Variants in CFAP46 observed in about 807,000 individuals in gnomAD.
CFAP46 encodes cilia- and flagella-associated protein 46.
Under a neutral mutation model 325.7 loss-of-function variants are expected in CFAP46, and 245 were observed. The observed-to-expected ratio is 0.75, with a 90% CI of 0.68 to 0.84. CFAP46 has a LOEUF of 0.84. CFAP46 is among the 40% of genes least tolerant of loss of function. CFAP46 has a pLI of 0.00. For missense variants in CFAP46, 3,346 were observed against 3,543.0 expected (o/e 0.94, Z 1.41); for synonymous variants, 1,523 against 1,495.9 (o/e 1.02, Z -0.42).
At position 132,912,938 on chromosome 10, in the gene CFAP46, C is replaced by T. The variant is rs1849576688; in HGVS notation, c.2333+108G>A. The T allele has an allele frequency of 3.4e-6, 5 of 1,486,444 alleles. No homozygotes were observed. The Admixed American group carries it at 8.0e-5, about 24-fold the overall frequency. 92.1% of individuals were successfully genotyped at this position (1,486,444 alleles called of 1,614,324 possible). ...AGATGCACGGGTGCCCACGACCCTC[C>T]TCTGCTGGGACACAGAGGGCCATGG... On this transcript the variant is annotated intron_variant, in intron 18 of 57. Transcript: ENST00000368586.
rs929564110 is a variant in CFAP46 at position 132,884,206 on chromosome 10, G to A, written c.3627+897C>T. Among the ~76,000 whole-genome samples the A allele has an allele frequency of 1.3e-5, 2 of 152,258 alleles. No homozygotes were observed. Among genetic ancestry groups the A allele is most frequent in the East Asian group, 1.9e-4 (1 of 5,160 alleles). The stretch of plus-strand genomic sequence containing the variant: ...CGCGAACCCTAGCAGGGCAACTGCC[G>A]AGGAACGACGTGGCCTCTGGTTCCC... On this transcript the variant is annotated intron_variant, in intron 27 of 57. Transcript: ENST00000368586. This position sits in a 1 kb window ranked among gnomAD's most constrained non-coding sequence, Gnocchi z 5.4.
At chr10:132,898,531 G>A (rs1474812375) in intron 24 of CFAP46, 2 of 321,784 alleles carry the variant, frequency 6.2e-6, no homozygotes, top group African/African-American at 2.2e-5. Context: ...ACCCCACTCT[G>A]CCTTAAGCCG....
intron 50 of CFAP46, among the ~76,000 whole-genome samples, chr10:132,825,059 CTGA>C (rs1848016135): frequency 1.6e-5 from 2 of 126,496 alleles, no homozygotes; most frequent in Non-Finnish European, 3.2e-5. Flanking sequence ...TGTGTGTGCG[CTGA>C]TGTGTGCTGT....
chr10:132,886,056 T>TGAGCC lies in CFAP46; in HGVS notation c.3305-98_3305-97insGGCTC, dbSNP rs1849126486. On this transcript the variant is annotated intron_variant, in intron 25 of 57. Transcript: ENST00000368586. The surrounding 1 kb of genome is among the most constrained non-coding windows in gnomAD (Gnocchi z 5.8). ...ACTAAGCTGCCCATCACAGTGCCCC[T>TGAGCC]GAGGTGGAACCGCGGCTACAGAGGT... The TGAGCC allele has an allele frequency of 2.0e-6, 3 of 1,464,236 alleles. No homozygotes were observed. Among genetic ancestry groups the TGAGCC allele is most frequent in the Non-Finnish European group, 2.8e-6 (3 of 1,086,384 alleles). The allele number at this position is 1,464,236 out of a possible 1,614,324, so 90.7% of individuals were successfully genotyped here.
intron 50 of CFAP46, among the ~76,000 whole-genome samples, chr10:132,824,091 GTGTGTGCGGTGATGTGTGC>G (rs1369683106): frequency 3.6e-5 from 5 of 139,480 alleles, no homozygotes; most frequent in Non-Finnish European, 6.2e-5. Context: ...ACTGTGTGCT[GTGTGTGCGGTGATGTGTGC>G]TGTGTGCGCT....
Position 132,920,175 on chromosome 10 carries a change from G to A in CFAP46, c.1614C>T (p.Thr538=), listed in dbSNP as rs773912130. 4.7e-5 allele frequency: 73 copies of A among 1,537,438 alleles called. No homozygotes were observed. The highest frequency in any genetic ancestry group is 3.5e-4 in the African/African-American group (25 of 72,234). Residue 538 remains threonine, a synonymous_variant, in exon 14 of 58, where the codon ACC becomes ACT. Transcript: ENST00000368586. ...LDSENEAKVS[T]GKNRGRFTYL... ...AGGTGAACCGGCCCCTGTTCTTCCC[G>A]GTGGAGACTGAGGGCGGAAATGCAA...
chr10:132,926,497 A>G, intron 10 of CFAP46, 71 bp downstream of exon 10: 1 of 1,137,140 alleles, frequency 8.8e-7, no homozygotes, highest in Non-Finnish European at 1.3e-6. Flanking sequence ...CCTGGGACAC[A>G]CTCAACTTGC....
Position 132,850,416 on chromosome 10 carries a change from T to A in CFAP46, c.5780A>T (p.Lys1927Met). 4.4e-6 allele frequency: 7 copies of A among 1,573,788 alleles called. No homozygotes were observed. The highest frequency in any genetic ancestry group is 2.3e-5 in the East Asian group (1 of 43,014). ...CAGTGCCCCGTGTGCTAGAGTCCGC[T>A]TCAGCGTGAACCATTGCTTCGAAAA... is the stretch of plus-strand genomic sequence containing the variant. Reference protein sequence around the residue: ...TSVGLQWFTLKRTLAHGALAQ... With the variant: ...TSVGLQWFTLMRTLAHGALAQ... Residue 1927 changes from lysine to methionine, a missense_variant, in exon 41 of 58, where the codon AAG becomes ATG. Coordinates refer to ENST00000368586, the MANE Select transcript of CFAP46 (RefSeq NM_001200049.3).
Position 132,849,472 on chromosome 10 carries a change from G to A in CFAP46, c.5952+772C>T, listed in dbSNP as rs141490954. 6.2e-3 allele frequency among the ~76,000 whole-genome samples: 939 copies of A among 152,302 alleles called. 16 individuals are homozygous for A. The highest frequency in any genetic ancestry group is 0.021 in the African/African-American group (888 of 41,558). On this transcript the variant is annotated intron_variant, in intron 41 of 57. Coordinates refer to ENST00000368586, the MANE Select transcript of CFAP46 (RefSeq NM_001200049.3). ...TCCTTAGGAGCTGGTGTGTGGGGAC[G>A]AGCCCAGCTTCTCTGCTGGGGCAGG... is the stretch of plus-strand genomic sequence containing the variant.
intron 32 of CFAP46, among the ~76,000 whole-genome samples, chr10:132,870,205 CCCG>C (rs1421491931): frequency 6.6e-6 from 1 of 152,116 alleles, no homozygotes; most frequent in Non-Finnish European, 1.5e-5. Flanking sequence ...CGATAAATGT[CCCG>C]TGGGCTCTGA....
chr10:132,850,107 AC>A (rs375153428), intron 41 of CFAP46, 136 bp downstream of exon 41: 10,587 of 872,596 alleles, frequency 0.012, 150 homozygotes, highest in Middle Eastern at 0.048. Flanking sequence ...TTCTTCCCTC[AC>A]GCCTACTTCC....
chr10:132,899,742 G>A, intron 22 of CFAP46, 76 bp from the exon 23 acceptor site: 8 of 1,467,038 alleles, frequency 5.5e-6, no homozygotes, highest in Non-Finnish European at 7.3e-6. Flanking sequence ...TCACTGTCTT[G>A]AACTGTGGAC....
At chr10:132,907,290 T>C (rs1849470585) in intron 22 of CFAP46, among the ~76,000 whole-genome samples, 1 of 152,242 alleles carries the variant, frequency 6.6e-6, no homozygotes, top group Non-Finnish European at 1.5e-5. Context: ...CAGAAACATT[T>C]ACAATAGCAA....
chr10:132,937,983 G>T (rs1242307473), intron 5 of CFAP46, among the ~76,000 whole-genome samples: 1 of 152,220 alleles, frequency 6.6e-6, no homozygotes, highest in East Asian at 1.9e-4. Context: ...GGTGCCGAGG[G>T]GAGCTGCTCT....
At position 132,938,611 on chromosome 10, in the gene CFAP46, C is replaced by A; in HGVS notation, c.514G>T (p.Glu172Ter). 1.2e-6 allele frequency: 2 copies of A among 1,613,392 alleles called. No individual in the cohort carries two copies. Among genetic ancestry groups the A allele is most frequent in the Non-Finnish European group, 1.7e-6 (2 of 1,179,952 alleles). ...CACAGCATCAGCTCAGCACGCCACT[C>A]CTTGTCTTCCTCCTCAGTCTGACTC... ...VLSQTEEEDK[E>*]WRAELMLELL... is the part of the protein sequence containing the mutation. The change falls in exon 5 of 58, where the codon GAG becomes TAG. Residue 172 changes from glutamate to a stop codon, truncating the protein, a stop_gained. Coordinates refer to ENST00000368586, the MANE Select transcript of CFAP46 (RefSeq NM_001200049.3). LOFTEE classifies it high-confidence loss of function.
chr10:132,884,807 G>C lies in CFAP46; in HGVS notation c.3627+296C>G, dbSNP rs918209560. On this transcript the variant is annotated intron_variant, in intron 27 of 57. Transcript: ENST00000368586. The surrounding 1 kb of genome is among the most constrained non-coding windows in gnomAD (Gnocchi z 5.4). ...GCCCTGGTGCCACCAGGGGAGCCTG[G>C]GCGCTTCCACTTGGGGCATCACCCT... Among the ~76,000 whole-genome samples the C allele has an allele frequency of 6.6e-6, 1 of 152,078 alleles. No individual in the cohort carries two copies. Among genetic ancestry groups the C allele is most frequent in the Non-Finnish European group, 1.5e-5 (1 of 67,992 alleles).
rs1407654446 is a variant in CFAP46, at chr10:132,832,389, C to G, written c.7117+969G>C. On this transcript the variant is annotated intron_variant, in intron 50 of 57. Transcript: ENST00000368586. This position sits in a 1 kb window ranked among gnomAD's most constrained non-coding sequence, Gnocchi z 4.1. The stretch of plus-strand genomic sequence containing the variant: ...TGCGGAGACCCCTGGGCTCTTCCTG[C>G]CCCCCCCCCCCAATGCTGTGGCCTG... 7.2e-3 allele frequency among the ~76,000 whole-genome samples: 568 copies of G among 78,422 alleles called. 8 individuals are homozygous for G. Among genetic ancestry groups the G allele is most frequent in the South Asian group, 0.065 (121 of 1,850 alleles). 51.4% of individuals were successfully genotyped at this position (78,422 alleles called of 152,430 possible).
chr10:132,911,539 T>C (rs931033912), intron 19 of CFAP46, among the ~76,000 whole-genome samples: 2 of 151,988 alleles, frequency 1.3e-5, no homozygotes, highest in Non-Finnish European at 2.9e-5. Flanking sequence ...CTCCAGGAGG[T>C]TCCCCACAGA....
At chr10:132,816,133 T>C (rs1411115383) in intron 50 of CFAP46, among the ~76,000 whole-genome samples, 3 of 152,080 alleles carry the variant, frequency 2.0e-5, no homozygotes, top group Non-Finnish European at 4.4e-5. Context: ...GCCCAGGGGT[T>C]TTGCTACGTT....
Sources: allele counts gnomAD v4.1 joint callset (sites outside exome capture counted in the v4.1 genomes callset), GRCh38; gene constraint gnomAD v4.1.1; non-coding constraint Gnocchi (gnomAD v3.1); transcripts MANE v1.5; gene names NCBI Gene and HGNC (gene_info 2026-07-23, HGNC 2026-07-21).